Variants in PLCH1 observed in about 807,000 individuals in gnomAD.
PLCH1 encodes the protein phospholipase C eta 1.
A neutral mutation model predicts 126.7 loss-of-function variants in PLCH1; 60 were observed. The observed-to-expected ratio is 0.47, with a 90% CI of 0.38 to 0.59. The LOEUF is 0.59. Ranked by LOEUF, PLCH1 falls within the 20% of genes least tolerant of loss-of-function variation. The probability of loss-of-function intolerance (pLI) is 0.00; values close to 1 mark genes in which losing one functional copy is unlikely to be tolerated. For synonymous variants in PLCH1, 719 were observed against 734.9 expected (o/e 0.98, Z 0.35); for missense variants, 1,723 against 2,040.0 (o/e 0.84, Z 2.99).
At chr3:155,686,490 AG>A (rs954926042) in intron 2 of PLCH1, among the ~76,000 whole-genome samples, 2 of 152,208 alleles carry the variant, frequency 1.3e-5, no homozygotes, top group African/African-American at 4.8e-5. Context: ...AATGAGACCA[AG>A]GAATTTTTGA....
At chr3:155,693,105 G>A (rs1745533099) in intron 2 of PLCH1, among the ~76,000 whole-genome samples, 1 of 151,888 alleles carries the variant, frequency 6.6e-6, no homozygotes, top group Non-Finnish European at 1.5e-5. Flanking sequence ...AAGCACCCTA[G>A]CAGATTCAAA....
chr3:155,502,391 T>C (rs1316643411), intron 13 of PLCH1, among the ~76,000 whole-genome samples: 1 of 152,226 alleles, frequency 6.6e-6, no homozygotes, highest in Non-Finnish European at 1.5e-5. Flanking sequence ...AATAGTCTAA[T>C]GGACAACAAT....
chr3:155,676,407 A>T, intron 2 of PLCH1: 1 of 1,004,798 alleles, frequency 1.0e-6, no homozygotes, highest in Non-Finnish European at 1.2e-6. Context: ...TAAAGCCCTC[A>T]AGGCATTATG....
chr3:155,487,150 A>G (rs1125539), intron 21 of PLCH1: 129,564 of 152,182 alleles, frequency 0.85, 55,534 homozygotes, highest in African/African-American at 0.95. Context: ...CTTATTAGTT[A>G]GGTTGTAGTC....
chr3:155,568,967 T>A (rs1035947422), intron 6 of PLCH1, among the ~76,000 whole-genome samples: 3 of 152,170 alleles, frequency 2.0e-5, no homozygotes, highest in East Asian at 3.8e-4. Flanking sequence ...ATTGAAGAGG[T>A]TACTTACCTT....
At chr3:155,664,918 C>T (rs1041064919) in intron 2 of PLCH1, among the ~76,000 whole-genome samples, 2 of 152,088 alleles carry the variant, frequency 1.3e-5, no homozygotes, top group Non-Finnish European at 2.9e-5. Flanking sequence ...ACCTTACAGG[C>T]GTAGATTACT....
At chr3:155,504,414 T>A in intron 13 of PLCH1, 141 bp downstream of exon 13, 2 of 553,814 alleles carry the variant, frequency 3.6e-6, no homozygotes, top group Non-Finnish European at 6.4e-6. Context: ...TTTAAAGTAG[T>A]TTAAATATCA....
In PLCH1 at chr3:155,470,183, A is replaced by G. The variant is rs763590479; in HGVS notation, c.2938+15173T>C. Among the ~76,000 whole-genome samples the G allele has an allele frequency of 4.8e-3, 723 of 151,348 alleles. 2 individuals carry two copies. The highest frequency in any genetic ancestry group is 7.7e-3 in the Non-Finnish European group (517 of 67,396). On this transcript the variant is annotated intron_variant, in intron 21 of 21. Transcript: ENST00000494598. Reference sequence around the variant, plus strand: ...AAAGAAGTTGAAAACTTTGAAAAAAATTTAGAAGAATGTATAACTAGAATA... The same window carrying G: ...AAAGAAGTTGAAAACTTTGAAAAAAGTTTAGAAGAATGTATAACTAGAATA...
Position 155,482,562 on chromosome 3 carries a change from A to G in PLCH1, c.3464T>C (p.Ile1155Thr), listed in dbSNP as rs1290901798. 6.2e-7 allele frequency: 1 copy of G among 1,614,204 alleles called. No individual in the cohort carries two copies. The highest frequency in any genetic ancestry group is 8.5e-7 in the Non-Finnish European group (1 of 1,180,030). Residue 1155 changes from isoleucine to threonine, a missense_variant, in exon 23 of 23, where the codon ATA (isoleucine) becomes ACA (threonine). Around this residue, in one of 2 missense-constraint regions of PLCH1, gnomAD observed 947 missense variants for 977.1 expected, o/e 0.97. Coordinates refer to ENST00000460012, the MANE Select transcript of PLCH1 (RefSeq NM_014996.4). ...LSDVSMLCSDIPDLHSTAILQ... is the reference protein window; with the variant it reads ...LSDVSMLCSDTPDLHSTAILQ... ...AATTGCAGTTGAATGTAGGTCAGGT[A>G]TGTCAGAACAGAGCATGGAGACGTC...
chr3:155,464,208 T>C (rs1237375031), intron 21 of PLCH1, among the ~76,000 whole-genome samples: 1 of 152,044 alleles, frequency 6.6e-6, no homozygotes, highest in African/African-American at 2.4e-5. Flanking sequence ...CCAGGATGCA[T>C]CTTGAAGAAT....
chr3:155,455,725 C>T (rs1712425170), intron 21 of PLCH1, among the ~76,000 whole-genome samples: 1 of 152,184 alleles, frequency 6.6e-6, no homozygotes, highest in African/African-American at 2.4e-5. Flanking sequence ...GCTTTGTTTC[C>T]TAATTAAGCA....
chr3:155,681,787 G>C (rs1238781115), intron 2 of PLCH1, among the ~76,000 whole-genome samples: 1 of 152,192 alleles, frequency 6.6e-6, no homozygotes, highest in Non-Finnish European at 1.5e-5. Flanking sequence ...TAGATGCAGG[G>C]AAACTCCCAA....
intron 12 of PLCH1, among the ~76,000 whole-genome samples, chr3:155,505,150 A>G (rs1159751439): frequency 6.6e-6 from 1 of 152,212 alleles, no homozygotes; most frequent in Non-Finnish European, 1.5e-5. Context: ...GATATCTATG[A>G]GATAATAGAT....
At chr3:155,612,185 C>T (rs1396190597) in intron 2 of PLCH1, among the ~76,000 whole-genome samples, 10 of 151,880 alleles carry the variant, frequency 6.6e-5, no homozygotes, top group African/African-American at 2.4e-4. Context: ...ATAAATTAGC[C>T]AGGCATAGTG....
At chr3:155,618,214 G>A (rs911709888) in intron 2 of PLCH1, among the ~76,000 whole-genome samples, 3 of 152,004 alleles carry the variant, frequency 2.0e-5, no homozygotes, top group Non-Finnish European at 2.9e-5. Context: ...GTCTTGTCTC[G>A]TTTTTGAGGT....
intron 15 of PLCH1, among the ~76,000 whole-genome samples, chr3:155,496,333 T>C (rs1019750427): frequency 6.6e-6 from 1 of 152,226 alleles, no homozygotes; most frequent in Non-Finnish European, 1.5e-5. Flanking sequence ...GAGTTTATTT[T>C]TGAGCTAAGG....
intron 6 of PLCH1, among the ~76,000 whole-genome samples, chr3:155,580,059 C>T (rs1730461750): frequency 1.3e-5 from 2 of 152,134 alleles, no homozygotes; most frequent in African/African-American, 4.8e-5. Context: ...AAACATTCAT[C>T]CCTGCTATCA....
chr3:155,523,006 G>A (rs1052231382), intron 11 of PLCH1, among the ~76,000 whole-genome samples: 5 of 151,768 alleles, frequency 3.3e-5, no homozygotes, highest in Admixed American at 6.6e-5. Context: ...ACGGAGTCTC[G>A]CTCTGTCGCC....
At chr3:155,561,640 C>T (rs373999111) in intron 8 of PLCH1, among the ~76,000 whole-genome samples, 2 of 151,590 alleles carry the variant, frequency 1.3e-5, no homozygotes, top group South Asian at 4.2e-4. Context: ...GTCCTTTGGG[C>T]ATATACCCAG....
Sources: allele counts gnomAD v4.1 joint callset (sites outside exome capture counted in the v4.1 genomes callset), GRCh38; gene constraint gnomAD v4.1.1; regional missense constraint gnomAD v4.1.1; transcripts MANE v1.5; gene names NCBI Gene and HGNC (gene_info 2026-07-23, HGNC 2026-07-21).